CENPE: variants seen among roughly 807,000 people sequenced by gnomAD.
CENPE encodes centromere protein E, also known as centromere-associated protein E.
A neutral mutation model predicts 336.1 loss-of-function variants in CENPE; 145 were observed. The ratio of observed to expected loss-of-function variants is 0.43; its 90% CI spans 0.38 to 0.50. The LOEUF is 0.50. CENPE is among the 20% of genes least tolerant of loss of function. The pLI is 0.00. For missense variants in CENPE, 2,719 were observed against 3,023.3 expected, an observed-to-expected ratio of 0.90 and a Z score of 2.36; for synonymous variants, 1,013 against 984.8, an observed-to-expected ratio of 1.03 and a Z score of -0.54.
chr4:103,110,682 A>T (rs1749323702), intron 47 of CENPE, 146 bp downstream of exon 47: 1 of 500,438 alleles, frequency 2.0e-6, no homozygotes, highest in Non-Finnish European at 3.4e-6. Flanking sequence ...TTTTTAAAAA[A>T]GATACTTATT....
intron 7 of CENPE, 40 bp from the exon 8 acceptor site, chr4:103,194,334 C>T: frequency 6.2e-7 from 1 of 1,609,318 alleles, no homozygotes; most frequent in African/African-American, 1.3e-5. Flanking sequence ...TTAGTGCATT[C>T]TTACTTGGAA....
intron 8 of CENPE, 106 bp from the exon 9 acceptor site, chr4:103,185,967 C>T: frequency 2.9e-6 from 2 of 699,130 alleles, no homozygotes; most frequent in Non-Finnish European, 4.9e-6. Context: ...AATATTCGAT[C>T]TGTATCCATG....
chr4:103,113,376 TTATAAG>T (rs372193861), intron 46 of CENPE, among the ~76,000 whole-genome samples: 3,944 of 143,228 alleles, frequency 0.028, 176 homozygotes, highest in African/African-American at 0.092. Flanking sequence ...TTCTATAGAC[TTATAAG>T]TATAATACTT....
chr4:103,175,986 T>A lies in CENPE; in HGVS notation c.1453A>T (p.Asn485Tyr). 6.2e-7 allele frequency: 1 copy of A among 1,604,220 alleles called. No homozygotes were observed. The highest frequency in any genetic ancestry group is 8.5e-7 in the Non-Finnish European group (1 of 1,173,688). Residue 485 changes from asparagine (N) to tyrosine (Y), a missense_variant, in exon 15 of 49, where the codon AAT (asparagine) becomes TAT (tyrosine). This residue lies in a region of CENPE where 2,437 missense variants were observed against 2,513.3 expected (regional missense o/e 0.97). Transcript: ENST00000265148. ...TGATTTAGTAGCTTTGTTGCTGGAT[T>A]CCATTCTATCTCACTTAATGTATCA... is the stretch of plus-strand genomic sequence containing the variant. ...TLDTLSEIEW[N>Y]PATKLLNQEN...
chr4:103,196,783 C>A lies in CENPE; in HGVS notation c.124G>T (p.Asp42Tyr). The part of the protein sequence containing the change: ...KTDNNVIYQV[D>Y]GSKSFNFDRV... The stretch of plus-strand genomic sequence containing the variant: ...CCAAAATTGAAGGATTTACTTCCAT[C>A]AACTTGATAAATGACATTATTGTCA... The change falls in exon 2 of 49, where the codon GAT (aspartate) becomes TAT (tyrosine). Residue 42 changes from aspartate to tyrosine, a missense_variant. Around this residue, in one of 5 missense-constraint regions of CENPE, gnomAD observed 48 missense variants for 50.8 expected, o/e 0.94. Coordinates refer to ENST00000265148, the MANE Select transcript of CENPE (RefSeq NM_001813.3). The A allele has an allele frequency of 1.3e-6, 2 of 1,586,612 alleles. No homozygotes were observed. Among genetic ancestry groups the A allele is most frequent in the Non-Finnish European group, 1.7e-6 (2 of 1,157,526 alleles).
chr4:103,181,718 C>T (rs1434532743), intron 11 of CENPE: 1 of 264,982 alleles, frequency 3.8e-6, no homozygotes, highest in Admixed American at 6.0e-5. Flanking sequence ...ATTTACCCCT[C>T]AAGGTCCAGT....
At chr4:103,130,453 T>C (rs935165131) in intron 42 of CENPE, among the ~76,000 whole-genome samples, 9 of 152,010 alleles carry the variant, frequency 5.9e-5, no homozygotes, top group Middle Eastern at 3.4e-3. Flanking sequence ...CATAGGCAAA[T>C]CTAACAAATA....
intron 41 of CENPE, 88 bp from the exon 42 acceptor site, chr4:103,132,984 A>AT (rs1578575064): frequency 3.5e-4 from 65 of 187,716 alleles, no homozygotes; most frequent in East Asian, 1.9e-3. Context: ...ATATATATAT[A>AT]AAATAAAAAG....
At chr4:103,192,403 T>C (rs1381554277) in intron 8 of CENPE, among the ~76,000 whole-genome samples, 4 of 152,226 alleles carry the variant, frequency 2.6e-5, no homozygotes, top group African/African-American at 9.6e-5. Context: ...TGGTTAAGAG[T>C]GGCCAAATCT....
At chr4:103,115,620 G>C (rs1284768082) in intron 45 of CENPE, among the ~76,000 whole-genome samples, 1 of 152,098 alleles carries the variant, frequency 6.6e-6, no homozygotes, top group Non-Finnish European at 1.5e-5. Context: ...TTAAAAGCCA[G>C]GAAGCATCCT....
intron 39 of CENPE, 71 bp from the exon 40 acceptor site, chr4:103,136,430 A>G (rs1391725794): frequency 9.6e-7 from 1 of 1,046,870 alleles, no homozygotes; most frequent in Non-Finnish European, 1.4e-6. Flanking sequence ...TTACAACTCT[A>G]GAATTGTAAC....
intron 10 of CENPE, 41 bp from the exon 11 acceptor site, chr4:103,182,932 C>A (rs190106410): frequency 1.3e-6 from 2 of 1,581,386 alleles, no homozygotes; most frequent in Non-Finnish European, 1.7e-6. Context: ...AGATTGAGAA[C>A]GTTTATATAA....
In CENPE at chr4:103,116,598, T is replaced by G. The variant is rs969205560; in HGVS notation, c.7421A>C (p.Asn2474Thr). The G allele has an allele frequency of 1.9e-6, 3 of 1,559,016 alleles. No homozygotes were observed. Among genetic ancestry groups the G allele is most frequent in the Non-Finnish European group, 2.6e-6 (3 of 1,148,966 alleles). The change falls in exon 45 of 49, where the codon AAT (asparagine) becomes ACT (threonine). Residue 2474 changes from asparagine to threonine, a missense_variant. Transcript: ENST00000265148. ...GTACTCCTTTTCAAATTCTTTGGCA[T>G]TTTTCATTTTCTCTAGGTCTATTTT... ...LVKIDLEKMK[N>T]AKEFEKEISA...
intron 46 of CENPE, among the ~76,000 whole-genome samples, chr4:103,112,362 A>C (rs1438207244): frequency 1.4e-5 from 2 of 147,106 alleles, no homozygotes; most frequent in Admixed American, 1.4e-4. Context: ...TATATATGTA[A>C]GTATATACAC....
intron 10 of CENPE, 40 bp downstream of exon 10, chr4:103,183,161 A>G (rs978467952): frequency 9.7e-6 from 14 of 1,443,954 alleles, no homozygotes; most frequent in African/African-American, 2.8e-5. Context: ...AATGAAAAAT[A>G]TAAGAATCAG....
intron 25 of CENPE, 128 bp from the exon 26 acceptor site, chr4:103,151,505 A>C: frequency 1.5e-6 from 1 of 664,984 alleles, no homozygotes; most frequent in Non-Finnish European, 2.3e-6. Flanking sequence ...GAAAAGACAA[A>C]TTTCAAAAAA....
At chr4:103,150,561 G>C (rs1361277966) in intron 26 of CENPE, among the ~76,000 whole-genome samples, 1 of 151,828 alleles carries the variant, frequency 6.6e-6, no homozygotes, top group Non-Finnish European at 1.5e-5. Flanking sequence ...CTCCAGCCTG[G>C]GTGACAGAGT....
At position 103,141,873 on chromosome 4, in the gene CENPE, G is replaced by C; in HGVS notation, c.5340C>G (p.His1780Gln). 6.2e-7 allele frequency: 1 copy of C among 1,604,216 alleles called. No individual in the cohort carries two copies. The highest frequency in any genetic ancestry group is 2.2e-5 in the East Asian group (1 of 44,500). ...TTTCCTGCTGCTCTTTCAGATGCAT[G>C]TGAGCAATTCTTAGTTCCTCTTGTA... ...LKIQEELRIAHMHLKEQQETI... is the reference protein window; with the variant it reads ...LKIQEELRIAQMHLKEQQETI... The change falls in exon 35 of 49, where the codon CAC becomes CAG. Residue 1780 changes from histidine (H) to glutamine (Q), a missense_variant. By Grantham distance (24) the His-to-Gln change is conservative. This residue lies in a region of CENPE where 2,437 missense variants were observed against 2,513.3 expected (regional missense o/e 0.97). Coordinates refer to ENST00000265148, the MANE Select transcript of CENPE (RefSeq NM_001813.3).
At chr4:103,196,359 T>C (rs1176389252) in intron 2 of CENPE, 107 bp from the exon 3 acceptor site, 3 of 863,860 alleles carry the variant, frequency 3.5e-6, no homozygotes, top group Non-Finnish European at 5.6e-6. Context: ...TGTCAGAATG[T>C]AGGATGATCA....
Sources: allele counts gnomAD v4.1 joint callset (sites outside exome capture counted in the v4.1 genomes callset), GRCh38; gene constraint gnomAD v4.1.1; regional missense constraint gnomAD v4.1.1; transcripts MANE v1.5; gene names NCBI Gene and HGNC (gene_info 2026-07-23, HGNC 2026-07-21).